NUP98: variants seen among roughly 807,000 people sequenced by gnomAD.
The protein encoded by NUP98 is nucleoporin 98 and 96 precursor.
NUP98 carries 26 observed loss-of-function variants against 191.9 expected under a neutral mutation model. The observed-to-expected ratio is 0.14, with a 90% CI of 0.10 to 0.19. The LOEUF (loss-of-function observed/expected upper bound fraction) is 0.19, where lower values mean the gene tolerates loss of function less well. Among genes scored for constraint, NUP98 ranks in the 10% least tolerant of loss-of-function variants. The pLI is 1.00. For missense variants in NUP98, 1,941 were observed against 2,178.8 expected (o/e 0.89, Z 2.17); for synonymous variants, 808 against 778.4 (o/e 1.04, Z -0.63).
chr11:3,697,858 G>A (rs947133695), intron 25 of NUP98, among the ~76,000 whole-genome samples: 5 of 148,958 alleles, frequency 3.4e-5, no homozygotes, highest in African/African-American at 9.9e-5. Flanking sequence ...TTTATATCTA[G>A]GCAGTCATTA....
chr11:3,773,614 G>T lies in NUP98; in HGVS notation c.603+18C>A. 7.1e-7 allele frequency: 1 copy of T among 1,403,476 alleles called. No homozygotes were observed. Among genetic ancestry groups the T allele is most frequent in the Non-Finnish European group, 1.0e-6 (1 of 999,540 alleles). The allele number at this position is 1,403,476 out of a possible 1,614,324, so 86.9% of individuals were successfully genotyped here. On this transcript the variant is annotated intron_variant, in intron 6 of 32. Transcript: ENST00000324932. Reference sequence around the variant, plus strand: ...AATCAAAAGGTTAGACTGACATTCTGTATTGTATTTTACTGACCTCTAGTG... The same window carrying T: ...AATCAAAAGGTTAGACTGACATTCTTTATTGTATTTTACTGACCTCTAGTG...
chr11:3,696,297 T>C (rs971693533), intron 25 of NUP98, among the ~76,000 whole-genome samples: 1 of 152,170 alleles, frequency 6.6e-6, no homozygotes, highest in East Asian at 1.9e-4. Context: ...GGGTCAGGAG[T>C]TCGAGACCAA....
chr11:3,766,453 G>A (rs1811108419), intron 8 of NUP98, among the ~76,000 whole-genome samples: 1 of 152,114 alleles, frequency 6.6e-6, no homozygotes, highest in South Asian at 2.1e-4. Flanking sequence ...ACTTTGTGAG[G>A]CAGAGGTGGG....
chr11:3,762,250 C>T (rs1019226767), intron 9 of NUP98, among the ~76,000 whole-genome samples: 1 of 151,242 alleles, frequency 6.6e-6, no homozygotes, highest in African/African-American at 2.4e-5. Flanking sequence ...GCTGGTATTA[C>T]AGGCACCCAC....
In NUP98 at chr11:3,700,970, A is replaced by T. The variant is rs909397934; in HGVS notation, c.3513-131T>A. The T allele has an allele frequency of 8.7e-6, 6 of 689,252 alleles. No individual in the cohort carries two copies. The Admixed American group carries it at 1.8e-4, about 20-fold the overall frequency. 42.7% of individuals were successfully genotyped at this position (689,252 alleles called of 1,614,324 possible). On this transcript the variant is annotated intron_variant, in intron 23 of 32. Coordinates refer to ENST00000324932, the MANE Select transcript of NUP98 (RefSeq NM_016320.5). ...CAAACATTTCACTGTAGTTTTAAAG[A>T]AATTTTGTTTCTTAAACTATACTGA...
intron 31 of NUP98, among the ~76,000 whole-genome samples, chr11:3,677,803 A>T (rs896674676): frequency 3.2e-4 from 49 of 152,236 alleles, no homozygotes; most frequent in African/African-American, 1.2e-3. Flanking sequence ...TTCTTGATTC[A>T]TACTAAAAGT....
At position 3,778,866 on chromosome 11, in the gene NUP98, C is replaced by T. The variant is rs61896892; in HGVS notation, c.355+7G>A. On this transcript the variant is annotated splice_region_variant and intron_variant, in intron 4 of 32. Coordinates refer to ENST00000324932, the MANE Select transcript of NUP98 (RefSeq NM_016320.5). The stretch of plus-strand genomic sequence containing the variant: ...TAGATGCAGAACTCCAGTGATGTCC[C>T]ACTTACTGCCAAAGCCAGTTGGTTT... The T allele has an allele frequency of 0.066, 105,936 of 1,612,518 alleles. 3,835 individuals are homozygous for T. The highest frequency in any genetic ancestry group is 0.085 in the African/African-American group (6,376 of 74,966).
Position 3,700,812 on chromosome 11 carries a change from G to T in NUP98, c.3540C>A (p.His1180Gln). Residue 1180 changes from histidine to glutamine, a missense_variant, in exon 24 of 33, where the codon CAC (histidine) becomes CAA (glutamine). Physicochemically the swap from His to Gln is conservative, Grantham distance 24. Coordinates refer to ENST00000324932, the MANE Select transcript of NUP98 (RefSeq NM_016320.5). The stretch of plus-strand genomic sequence containing the variant: ...TTTGTCTCAAACTGAGTTTTTCTAA[G>T]TGAACTTTGAATGGGGACTCAGTTA... The part of the protein sequence containing the change: ...KPLTESPFKV[H>Q]LEKLSLRQRK... 1 of 1,613,852 alleles carries T rather than the reference G, an allele frequency of 6.2e-7. No homozygotes were observed. Among genetic ancestry groups the T allele is most frequent in the South Asian group, 1.1e-5 (1 of 91,044 alleles).
chr11:3,691,251 C>T, intron 28 of NUP98, 96 bp downstream of exon 28: 1 of 1,330,708 alleles, frequency 7.5e-7, no homozygotes, highest in East Asian at 2.3e-5. Flanking sequence ...GGACTTACAG[C>T]AATCTGGGGA....
chr11:3,709,879 C>T (rs1263678151), intron 20 of NUP98, among the ~76,000 whole-genome samples: 8 of 143,878 alleles, frequency 5.6e-5, no homozygotes, highest in Non-Finnish European at 1.1e-4. Flanking sequence ...TGCTAAATGA[C>T]GAGTTAATGG....
intron 8 of NUP98, among the ~76,000 whole-genome samples, chr11:3,763,910 A>C (rs1357661976): frequency 2.0e-5 from 3 of 152,232 alleles, no homozygotes; most frequent in African/African-American, 4.8e-5. Flanking sequence ...ATGTTTAACA[A>C]TGTATTTTAC....
chr11:3,756,091 G>A (rs527625558), intron 10 of NUP98, among the ~76,000 whole-genome samples: 24 of 152,258 alleles, frequency 1.6e-4, no homozygotes, highest in African/African-American at 4.3e-4. Flanking sequence ...ATGGGGTGCT[G>A]CCTACTCAAG....
intron 14 of NUP98, among the ~76,000 whole-genome samples, chr11:3,729,764 C>T (rs1026064313): frequency 7.3e-6 from 1 of 137,612 alleles, no homozygotes; most frequent in Non-Finnish European, 1.6e-5. Context: ...ACAGCAACAC[C>T]ACAGAAGTGA....
At chr11:3,727,502 T>G (rs923768177) in intron 14 of NUP98, among the ~76,000 whole-genome samples, 1 of 152,008 alleles carries the variant, frequency 6.6e-6, no homozygotes, top group African/African-American at 2.4e-5. Flanking sequence ...ATGAGACAAT[T>G]TGAACATCAC....
intron 11 of NUP98, among the ~76,000 whole-genome samples, chr11:3,745,438 G>A (rs538125639): frequency 5.9e-5 from 9 of 152,234 alleles, no homozygotes; most frequent in African/African-American, 2.2e-4. Flanking sequence ...TTCACCAGAG[G>A]AAAACCCATT....
intron 1 of NUP98, among the ~76,000 whole-genome samples, chr11:3,795,024 T>C (rs763211164): frequency 2.0e-5 from 3 of 152,248 alleles, no homozygotes; most frequent in Non-Finnish European, 4.4e-5. Context: ...ATTCTTTACT[T>C]TCCAGGTTAA....
intron 7 of NUP98, among the ~76,000 whole-genome samples, chr11:3,769,154 G>A (rs999484022): frequency 3.3e-5 from 5 of 152,192 alleles, no homozygotes; most frequent in African/African-American, 7.2e-5. Flanking sequence ...GCCAGGCACA[G>A]TGGCTCACAC....
intron 22 of NUP98, 86 bp downstream of exon 22, chr11:3,705,114 T>A: frequency 7.8e-7 from 1 of 1,283,970 alleles, no homozygotes; most frequent in Non-Finnish European, 1.1e-6. Context: ...GCTAGAGAAG[T>A]CCACTTGGGT....
chr11:3,778,929 C>T lies in NUP98; in HGVS notation c.299G>A (p.Ser100Asn). Reference sequence around the variant, plus strand: ...GGCATTGTTTTGGGATGAGAAGAGACTGGTCCCTGTGCTTGCAGTTCCAAA... The same window carrying T: ...GGCATTGTTTTGGGATGAGAAGAGATTGGTCCCTGTGCTTGCAGTTCCAAA... ...TLFGTASTGT[S>N]LFSSQNNAFA... Residue 100 changes from serine (S) to asparagine (N), a missense_variant, in exon 4 of 33, where the codon AGT becomes AAT. Around this residue, in one of 6 missense-constraint regions of NUP98, gnomAD observed 154 missense variants for 182.9 expected, o/e 0.84. Coordinates refer to ENST00000324932, the MANE Select transcript of NUP98 (RefSeq NM_016320.5). 1.2e-6 allele frequency: 2 copies of T among 1,614,192 alleles called. No individual in the cohort carries two copies. The highest frequency in any genetic ancestry group is 1.7e-6 in the Non-Finnish European group (2 of 1,180,032).
Sources: allele counts gnomAD v4.1 joint callset (sites outside exome capture counted in the v4.1 genomes callset), GRCh38; gene constraint gnomAD v4.1.1; regional missense constraint gnomAD v4.1.1; transcripts MANE v1.5; gene names NCBI Gene and HGNC (gene_info 2026-07-23, HGNC 2026-07-21).